COL25A1: variants seen among roughly 807,000 people sequenced by gnomAD.
The protein encoded by COL25A1 is collagen alpha-1(XXV) chain.
COL25A1 carries 103 observed loss-of-function variants against 128.4 expected under a neutral mutation model. That is an observed-to-expected ratio of 0.80 (90% CI 0.68 to 0.94). The LOEUF is 0.94. Ranked by LOEUF, COL25A1 falls within the 40% of genes least tolerant of loss-of-function variation. COL25A1 has a pLI of 0.00. For synonymous variants in COL25A1, 279 were observed against 277.2 expected, an observed-to-expected ratio of 1.01 and a Z score of -0.06; for missense variants, 745 against 840.0, an observed-to-expected ratio of 0.89 and a Z score of 1.40.
intron 12 of COL25A1, 61 bp from the exon 13 acceptor site, chr4:108,918,277 T>TTA (rs1407921607): frequency 1.7e-6 from 2 of 1,206,804 alleles, no homozygotes; most frequent in Non-Finnish European, 2.4e-6. Context: ...AATTCTAAAT[T>TTA]TATATTGTAT....
Position 108,841,729 on chromosome 4 carries a change from T to C in COL25A1, c.1630-8A>G. On this transcript the variant is annotated splice_region_variant and splice_polypyrimidine_tract_variant and intron_variant, in intron 30 of 37. Coordinates refer to ENST00000399132, the MANE Select transcript of COL25A1 (RefSeq NM_198721.4). Reference sequence around the variant, plus strand: ...AGGAAGTCCATGAGGTCCCTGAAAATGGAAAACAGAGCTTTTAATTAAGAA... The same window carrying C: ...AGGAAGTCCATGAGGTCCCTGAAAACGGAAAACAGAGCTTTTAATTAAGAA... 6.2e-7 allele frequency: 1 copy of C among 1,607,948 alleles called. No individual in the cohort carries two copies. Among genetic ancestry groups the C allele is most frequent in the Non-Finnish European group, 8.5e-7 (1 of 1,174,668 alleles).
intron 3 of COL25A1, among the ~76,000 whole-genome samples, chr4:109,127,225 T>C (rs1223086029): frequency 6.6e-6 from 1 of 152,198 alleles, no homozygotes; most frequent in Non-Finnish European, 1.5e-5. Flanking sequence ...ATGCCTTCAT[T>C]CCTTAGTGTG....
At chr4:109,224,249 A>C (rs894143858) in intron 3 of COL25A1, among the ~76,000 whole-genome samples, 1 of 152,186 alleles carries the variant, frequency 6.6e-6, no homozygotes, top group Non-Finnish European at 1.5e-5. Flanking sequence ...GGGTTTGATC[A>C]ACCAGGTTCT....
Position 108,813,897 on chromosome 4 carries a change from C to G in COL25A1, c.*30G>C. 6.4e-7 allele frequency: 1 copy of G among 1,572,678 alleles called. No homozygotes were observed. Among genetic ancestry groups the G allele is most frequent in the Admixed American group, 1.7e-5 (1 of 57,924 alleles). On this transcript the variant is annotated 3_prime_UTR_variant, in exon 38 of 38. Transcript: ENST00000399132. ...AATATTAAAAATGGACCCTTATATA[C>G]ACAACTTCATGCTTGAAAGGTTAGA...
At chr4:108,907,066 G>A (rs1743616309) in intron 13 of COL25A1, among the ~76,000 whole-genome samples, 1 of 152,182 alleles carries the variant, frequency 6.6e-6, no homozygotes, top group South Asian at 2.1e-4. Flanking sequence ...GGAAAAGATG[G>A]GAGAAATGTT....
chr4:108,943,476 C>T (rs894589680), intron 8 of COL25A1, among the ~76,000 whole-genome samples: 2 of 152,112 alleles, frequency 1.3e-5, no homozygotes, highest in Non-Finnish European at 2.9e-5. Flanking sequence ...TCAGATCTCT[C>T]CTGTTTCAGG....
At chr4:109,067,195 C>T (rs1239192302) in intron 3 of COL25A1, among the ~76,000 whole-genome samples, 1 of 152,162 alleles carries the variant, frequency 6.6e-6, no homozygotes, top group African/African-American at 2.4e-5. Context: ...ACACCTGCCA[C>T]TGTCCTCTGG....
intron 13 of COL25A1, among the ~76,000 whole-genome samples, chr4:108,908,482 G>A (rs759481799): frequency 3.3e-5 from 5 of 152,170 alleles, no homozygotes; most frequent in Non-Finnish European, 7.3e-5. Flanking sequence ...GGGAAGCAGA[G>A]GAAGCTGTGT....
At chr4:109,050,369 A>G (rs1411934368) in intron 3 of COL25A1, among the ~76,000 whole-genome samples, 190 bp from the exon 4 acceptor site, 1 of 152,186 alleles carries the variant, frequency 6.6e-6, no homozygotes, top group Non-Finnish European at 1.5e-5. Flanking sequence ...ATTTAATTAT[A>G]AAAGCTACTC....
intron 22 of COL25A1, 115 bp from the exon 23 acceptor site, chr4:108,861,086 A>C: frequency 4.9e-6 from 4 of 811,714 alleles, no homozygotes; most frequent in Non-Finnish European, 8.3e-6. Flanking sequence ...TCTGAAGTGA[A>C]AAACAACAGC....
intron 8 of COL25A1, among the ~76,000 whole-genome samples, chr4:108,962,720 G>C (rs1346201095): frequency 1.2e-5 from 1 of 84,420 alleles, no homozygotes; most frequent in Non-Finnish European, 2.4e-5. Flanking sequence ...CAACAGTATT[G>C]TTATTATTAT....
intron 3 of COL25A1, among the ~76,000 whole-genome samples, chr4:109,153,893 AGCTGAAGCTCCAGGACTAAGCAGCTT>A (rs1351620389): frequency 6.6e-6 from 1 of 152,306 alleles, no homozygotes. Flanking sequence ...CAGATGAGGA[AGCTGAAGCTCCAGGACTAAGCAGCTT>A]GCTGAGCAGC....
chr4:109,265,081 T>C (rs1781698485), intron 3 of COL25A1, among the ~76,000 whole-genome samples: 1 of 152,188 alleles, frequency 6.6e-6, no homozygotes, highest in Non-Finnish European at 1.5e-5. Context: ...TCAGACATAT[T>C]TGACATTTCC....
chr4:109,107,733 A>G (rs534674751), intron 3 of COL25A1, among the ~76,000 whole-genome samples: 29 of 152,286 alleles, frequency 1.9e-4, no homozygotes, highest in Admixed American at 8.5e-4. Context: ...GAGTCATTCT[A>G]ACAAATACCA....
At chr4:108,896,748 TGG>T in intron 15 of COL25A1, 37 bp from the exon 16 acceptor site, 3 of 1,561,320 alleles carry the variant, frequency 1.9e-6, no homozygotes, top group Non-Finnish European at 2.7e-6. Flanking sequence ...TAAAATACAT[TGG>T]TGACGTCAAG....
chr4:109,203,007 C>A (rs918486190), intron 3 of COL25A1, among the ~76,000 whole-genome samples: 1 of 151,664 alleles, frequency 6.6e-6, no homozygotes, highest in East Asian at 1.9e-4. Context: ...TAAAAAAAAT[C>A]AAAGAAATAA....
chr4:109,230,321 T>A (rs1024364447), intron 3 of COL25A1, among the ~76,000 whole-genome samples: 1 of 152,248 alleles, frequency 6.6e-6, no homozygotes, highest in East Asian at 1.9e-4. Flanking sequence ...GGGAAGTCCC[T>A]ATTTTAGATT....
chr4:109,205,153 A>G (rs1484300502), intron 3 of COL25A1, among the ~76,000 whole-genome samples: 1 of 152,236 alleles, frequency 6.6e-6, no homozygotes, highest in African/African-American at 2.4e-5. Flanking sequence ...GAGAACATGC[A>G]TTCATCAGCA....
chr4:109,136,708 A>G (rs555557269), intron 3 of COL25A1, among the ~76,000 whole-genome samples: 13 of 152,298 alleles, frequency 8.5e-5, no homozygotes, highest in African/African-American at 3.1e-4. Flanking sequence ...AATGTAAGCC[A>G]TGTGTGGCGG....
Sources: allele counts gnomAD v4.1 joint callset (sites outside exome capture counted in the v4.1 genomes callset), GRCh38; gene constraint gnomAD v4.1.1; transcripts MANE v1.5; gene names NCBI Gene and HGNC (gene_info 2026-07-23, HGNC 2026-07-21).